Variants in GNA14 observed in about 807,000 individuals in gnomAD.
GNA14 encodes G protein subunit alpha 14.
GNA14 carries 50 observed loss-of-function variants against 42.0 expected under a neutral mutation model. The ratio of observed to expected loss-of-function variants is 1.19; its 90% CI spans 0.95 to 1.51. GNA14 has a LOEUF of 1.51. Ranked by LOEUF, GNA14 falls within the 40% of genes most tolerant of loss-of-function variation. The pLI, the probability that GNA14 is intolerant of heterozygous loss-of-function variation, is 0.00. For synonymous variants in GNA14, 173 were observed against 163.1 expected, an observed-to-expected ratio of 1.06 and a Z score of -0.46; for missense variants, 473 against 446.2, an observed-to-expected ratio of 1.06 and a Z score of -0.54.
At chr9:77,475,433 G>C (rs891515911) in intron 2 of GNA14, among the ~76,000 whole-genome samples, 2 of 152,208 alleles carry the variant, frequency 1.3e-5, no homozygotes, top group African/African-American at 4.8e-5. Flanking sequence ...ACCTGTCCTT[G>C]AGTAGTTATT....
At chr9:77,529,623 G>C (rs1001068624) in intron 1 of GNA14, among the ~76,000 whole-genome samples, 5 of 152,202 alleles carry the variant, frequency 3.3e-5, no homozygotes, top group African/African-American at 1.2e-4. Context: ...ACTTGGAGGA[G>C]AGAAAAAGGC....
intron 2 of GNA14, among the ~76,000 whole-genome samples, chr9:77,500,457 C>T (rs546471513): frequency 6.0e-4 from 91 of 152,272 alleles, no homozygotes; most frequent in African/African-American, 2.0e-3. Context: ...AACATTTACC[C>T]AATTTCCTCC....
At chr9:77,620,416 G>A (rs1421137011) in intron 1 of GNA14, among the ~76,000 whole-genome samples, 2 of 152,198 alleles carry the variant, frequency 1.3e-5, no homozygotes, top group Non-Finnish European at 2.9e-5. Flanking sequence ...TCATCAAACA[G>A]ATGATGCAGC....
intron 2 of GNA14, among the ~76,000 whole-genome samples, chr9:77,450,695 G>A (rs1240095289): frequency 6.6e-6 from 1 of 151,336 alleles, no homozygotes; most frequent in Non-Finnish European, 1.5e-5. Flanking sequence ...TTTTGGTGGC[G>A]ATTTTGCTAA....
At chr9:77,494,081 C>T (rs951206506) in intron 2 of GNA14, among the ~76,000 whole-genome samples, 11 of 152,032 alleles carry the variant, frequency 7.2e-5, no homozygotes, top group Admixed American at 6.6e-5. Flanking sequence ...CCACCATGCC[C>T]GGCTAATTTT....
At chr9:77,596,840 T>C (rs1462736108) in intron 1 of GNA14, among the ~76,000 whole-genome samples, 4 of 152,160 alleles carry the variant, frequency 2.6e-5, no homozygotes, top group Non-Finnish European at 2.9e-5. Context: ...AATGCAACCA[T>C]TTGTGTTTTG....
chr9:77,503,700 C>G (rs1426662349), intron 2 of GNA14, among the ~76,000 whole-genome samples: 2 of 150,428 alleles, frequency 1.3e-5, no homozygotes, highest in African/African-American at 4.9e-5. Context: ...CTCTGTGGCC[C>G]AGGCTGGAGT....
Position 77,647,769 on chromosome 9 carries a change from C to T in GNA14, c.25G>A (p.Ala9Thr), listed in dbSNP as rs1197170791. 3.1e-6 allele frequency: 5 copies of T among 1,610,064 alleles called. No homozygotes were observed. The highest frequency in any genetic ancestry group is 1.7e-4 in the Middle Eastern group (1 of 6,058). ...ATGCGCTGCGACTCCTTCTCCTCCG[C>T]GGACAGGCAGCAGCAGCCGGCCATG... MAGCCCLS[A>T]EEKESQRISA... Residue 9 changes from alanine (A) to threonine (T), a missense_variant, in exon 1 of 7, where the codon GCG becomes ACG. Coordinates refer to ENST00000341700, the MANE Select transcript of GNA14 (RefSeq NM_004297.4).
intron 1 of GNA14, among the ~76,000 whole-genome samples, chr9:77,622,080 T>G (rs922398838): frequency 6.6e-6 from 1 of 152,186 alleles, no homozygotes; most frequent in African/African-American, 2.4e-5. Context: ...CACAAGCCAC[T>G]GCGCCAGGCC....
At chr9:77,634,256 CAATA>C (rs1402789432) in intron 1 of GNA14, among the ~76,000 whole-genome samples, 1 of 151,524 alleles carries the variant, frequency 6.6e-6, no homozygotes, top group East Asian at 1.9e-4. Context: ...CTTGTATCTA[CAATA>C]AATAAATAAA....
intron 2 of GNA14, among the ~76,000 whole-genome samples, chr9:77,443,852 C>T (rs982932156): frequency 3.3e-5 from 5 of 152,152 alleles, no homozygotes; most frequent in Admixed American, 6.6e-5. Context: ...CATGGTGATG[C>T]GTGCCTGTAG....
intron 1 of GNA14, among the ~76,000 whole-genome samples, chr9:77,625,101 G>C (rs904471980): frequency 7.9e-5 from 12 of 151,650 alleles, no homozygotes; most frequent in Admixed American, 7.9e-4. Flanking sequence ...CAAGAACTTC[G>C]TGAAGCATAC....
intron 2 of GNA14, among the ~76,000 whole-genome samples, chr9:77,505,387 C>T (rs981734499): frequency 3.3e-5 from 5 of 152,140 alleles, no homozygotes; most frequent in Admixed American, 1.3e-4. Context: ...TCTCCCTTCC[C>T]GGTTACACTT....
chr9:77,583,576 A>C (rs946080771), intron 1 of GNA14, among the ~76,000 whole-genome samples: 1 of 152,124 alleles, frequency 6.6e-6, no homozygotes, highest in Admixed American at 6.5e-5. Context: ...CCTACTTCTG[A>C]GTGTATGTGT....
intron 1 of GNA14, among the ~76,000 whole-genome samples, chr9:77,644,110 A>G (rs191450273): frequency 7.2e-5 from 11 of 152,272 alleles, no homozygotes; most frequent in Non-Finnish European, 1.2e-4. Flanking sequence ...TAATGTCTTT[A>G]AAGAGGTGAT....
chr9:77,519,223 C>T (rs1177240973), intron 2 of GNA14, among the ~76,000 whole-genome samples: 1 of 152,222 alleles, frequency 6.6e-6, no homozygotes, highest in East Asian at 1.9e-4. Context: ...GCAGCCTGGC[C>T]AACATGGTGA....
chr9:77,603,633 AGGAATCCAAG>A (rs1185941841), intron 1 of GNA14, among the ~76,000 whole-genome samples: 2 of 152,124 alleles, frequency 1.3e-5, no homozygotes, highest in African/African-American at 4.8e-5. Flanking sequence ...AACTGAGAAG[AGGAATCCAAG>A]GGCAGCCAGC....
chr9:77,534,915 G>A (rs774680009), intron 1 of GNA14, among the ~76,000 whole-genome samples: 6 of 152,212 alleles, frequency 3.9e-5, no homozygotes, highest in Non-Finnish European at 5.9e-5. Flanking sequence ...CGCTCAGAGT[G>A]GATGAGTCTG....
At chr9:77,620,354 T>C (rs1823900327) in intron 1 of GNA14, among the ~76,000 whole-genome samples, 1 of 152,132 alleles carries the variant, frequency 6.6e-6, no homozygotes, top group Non-Finnish European at 1.5e-5. Context: ...TTAGATAACA[T>C]CCAGCTTTTT....
Sources: allele counts gnomAD v4.1 joint callset (sites outside exome capture counted in the v4.1 genomes callset), GRCh38; gene constraint gnomAD v4.1.1; transcripts MANE v1.5; gene names NCBI Gene and HGNC (gene_info 2026-07-23, HGNC 2026-07-21).